VAV2: variants seen among roughly 807,000 people sequenced by gnomAD.
VAV2 encodes the protein vav guanine nucleotide exchange factor 2, also known as guanine nucleotide exchange factor VAV2.
In VAV2, 67 loss-of-function variants were observed where a neutral mutation model predicts 132.5. That is an observed-to-expected ratio of 0.51 (90% CI 0.42 to 0.62). The LOEUF is 0.62. Among genes scored for constraint, VAV2 ranks in the 20% least tolerant of loss-of-function variants. The pLI is 0.00. For missense variants in VAV2, 938 were observed against 1,153.6 expected, an observed-to-expected ratio of 0.81 and a Z score of 2.71; for synonymous variants, 492 against 443.5, an observed-to-expected ratio of 1.11 and a Z score of -1.37.
intron 1 of VAV2, among the ~76,000 whole-genome samples, chr9:133,978,153 A>C (rs1180812781): frequency 1.3e-5 from 2 of 152,194 alleles, no homozygotes; most frequent in Non-Finnish European, 1.5e-5. Flanking sequence ...AGGGCTGGGC[A>C]GGGCTGGGGA....
At chr9:133,907,176 C>CCG (rs554617207) in intron 2 of VAV2, among the ~76,000 whole-genome samples, 192 of 152,340 alleles carry the variant, frequency 1.3e-3, no homozygotes, top group Non-Finnish European at 2.2e-3. Context: ...CGGTGCCAGC[C>CCG]CACGCTGGGC....
rs771409895 is a variant in VAV2, at chr9:133,807,239, T to C, written c.735+19A>G. 6 of 1,606,414 alleles carry C rather than the reference T, an allele frequency of 3.7e-6. No individual in the cohort carries two copies. In the African/African-American group the frequency reaches 6.7e-5, roughly 18 times the overall value. On this transcript the variant is annotated intron_variant, in intron 8 of 29. Transcript: ENST00000371850. ...AGGGCCCCGAGCCTGGCATGAGCGA[T>C]GGGGGCCGGGACCCTTACCTCCAGG... is the stretch of plus-strand genomic sequence containing the variant.
At chr9:133,827,361 C>G (rs1416823580) in intron 4 of VAV2, among the ~76,000 whole-genome samples, 1 of 40,718 alleles carries the variant, frequency 2.5e-5, no homozygotes, top group Non-Finnish European at 3.8e-5. Flanking sequence ...GCATCACCAC[C>G]TACCGCTGCG....
chr9:133,769,471 T>C lies in VAV2; in HGVS notation c.2380A>G (p.Ser794Gly), dbSNP rs370841001. The change falls in exon 28 of 30, where the codon AGT becomes GGT. Residue 794 changes from serine (S) to glycine (G), a missense_variant. Physicochemically the swap from Ser to Gly is moderately conservative, Grantham distance 56. Coordinates refer to ENST00000371850, the MANE Select transcript of VAV2 (RefSeq NM_001134398.2). The surrounding 1 kb of genome is among the most constrained non-coding windows in gnomAD (Gnocchi z 8.1). ...GAAGCAAAGCTGAGGCCCTGAGGACTGAGAAAAGAAAAGTTGTAGGAAGCA... is the reference window on the plus strand; with the variant it reads ...GAAGCAAAGCTGAGGCCCTGAGGACCGAGAAAAGAAAAGTTGTAGGAAGCA... ...SCASYNFSFL[S>G]PQGLSFASQG... is the part of the protein sequence containing the mutation. 25 of 1,612,690 alleles carry C rather than the reference T, an allele frequency of 1.6e-5. No individual in the cohort carries two copies. The highest frequency in any genetic ancestry group is 2.0e-5 in the Non-Finnish European group (24 of 1,179,490).
At chr9:133,792,992 T>G (rs1326139678) in intron 12 of VAV2, among the ~76,000 whole-genome samples, 1 of 152,082 alleles carries the variant, frequency 6.6e-6, no homozygotes, top group Non-Finnish European at 1.5e-5. Flanking sequence ...AAGAGCCACC[T>G]AGACTTGGGC....
At chr9:133,973,850 T>A (rs1354801432) in intron 1 of VAV2, among the ~76,000 whole-genome samples, 1 of 152,164 alleles carries the variant, frequency 6.6e-6, no homozygotes, top group Admixed American at 6.5e-5. Flanking sequence ...GGCCTTGGGA[T>A]AAGCATCAAA....
intron 1 of VAV2, among the ~76,000 whole-genome samples, chr9:133,982,255 G>C (rs532123532): frequency 6.8e-6 from 1 of 147,058 alleles, no homozygotes; most frequent in African/African-American, 2.6e-5. Flanking sequence ...AGGGAGACTC[G>C]GCAGGGGCGA....
Position 133,884,924 on chromosome 9 carries a change from A to G in VAV2, c.322-23492T>C, listed in dbSNP as rs765334275. On this transcript the variant is annotated intron_variant, in intron 2 of 29. Coordinates refer to ENST00000371850, the MANE Select transcript of VAV2 (RefSeq NM_001134398.2). This position sits in a 1 kb window ranked among gnomAD's most constrained non-coding sequence, Gnocchi z 5.3. ...GTCCACAACTCACACCCTCAGCCCC[A>G]CTTCCAGCCTGATGAACCCACCTGA... 1.1e-4 allele frequency among the ~76,000 whole-genome samples: 16 copies of G among 152,174 alleles called. No homozygotes were observed. The highest frequency in any genetic ancestry group is 7.2e-4 in the Admixed American group (11 of 15,294).
At chr9:133,964,337 T>G (rs1247728727) in intron 1 of VAV2, among the ~76,000 whole-genome samples, 1 of 150,950 alleles carries the variant, frequency 6.6e-6, no homozygotes, top group Non-Finnish European at 1.5e-5. Flanking sequence ...CATATGTATA[T>G]ACACACACAC....
Position 133,788,024 on chromosome 9 carries a change from G to A in VAV2, c.1407+330C>T, listed in dbSNP as rs1834299708. Among the ~76,000 whole-genome samples the A allele has an allele frequency of 6.6e-6, 1 of 152,250 alleles. No homozygotes were observed. Among genetic ancestry groups the A allele is most frequent in the Non-Finnish European group, 1.5e-5 (1 of 68,038 alleles). On this transcript the variant is annotated intron_variant, in intron 15 of 29. Transcript: ENST00000371850. This position sits in a 1 kb window ranked among gnomAD's most constrained non-coding sequence, Gnocchi z 5.3. ...TCAGGCTGGCCAGATGGAAAGCCAA[G>A]GTTGAAAGTCCCACCCTCACTAGAG...
chr9:133,954,776 A>G (rs1037357875), intron 1 of VAV2, among the ~76,000 whole-genome samples: 27 of 131,216 alleles, frequency 2.1e-4, no homozygotes, highest in African/African-American at 7.9e-4. Context: ...GTGTGTGCAC[A>G]TGTATGTGTG....
At chr9:133,906,790 G>A (rs1368140447) in intron 2 of VAV2, among the ~76,000 whole-genome samples, 3 of 152,202 alleles carry the variant, frequency 2.0e-5, no homozygotes, top group African/African-American at 4.8e-5. Flanking sequence ...GGTCCCTGCG[G>A]AGCCAGGCTC....
rs1299099628 is a variant in VAV2, at chr9:133,991,978, G to C, written c.204+97C>G. 9.2e-7 allele frequency: 1 copy of C among 1,084,318 alleles called. No individual in the cohort carries two copies. Among genetic ancestry groups the C allele is most frequent in the African/African-American group, 1.7e-5 (1 of 59,004 alleles). 67.2% of individuals were successfully genotyped at this position (1,084,318 alleles called of 1,614,324 possible). On this transcript the variant is annotated intron_variant, in intron 1 of 29. Transcript: ENST00000371850. This position sits in a 1 kb window ranked among gnomAD's most constrained non-coding sequence, Gnocchi z 4.8. ...GGAGCCCGGCCGCCCCAGCCAGGGC[G>C]CCTGGGCCGCCGCCGCTGCGACCTC...
chr9:133,848,353 G>C (rs1837032115), intron 3 of VAV2, among the ~76,000 whole-genome samples: 2 of 151,464 alleles, frequency 1.3e-5, no homozygotes, highest in African/African-American at 4.8e-5. Flanking sequence ...TTTGATAAAA[G>C]GGTAAACCCC....
intron 1 of VAV2, among the ~76,000 whole-genome samples, chr9:133,983,326 G>A (rs984527519): frequency 4.6e-5 from 7 of 152,116 alleles, no homozygotes; most frequent in Admixed American, 2.0e-4. Flanking sequence ...AGAGCCCAGC[G>A]TCCTTCCAGG....
intron 4 of VAV2, among the ~76,000 whole-genome samples, chr9:133,832,455 CCTCT>C (rs1181380094): frequency 4.3e-4 from 66 of 152,362 alleles, no homozygotes; most frequent in African/African-American, 1.5e-3. Context: ...GAAGCCCTGC[CCTCT>C]CTGAGCCTCA....
At chr9:133,803,943 C>G (rs1043124774) in intron 9 of VAV2, among the ~76,000 whole-genome samples, 14 of 152,164 alleles carry the variant, frequency 9.2e-5, no homozygotes, top group Non-Finnish European at 1.8e-4. Context: ...CCCTGCAGGA[C>G]TGTGCTCAGG....
intron 4 of VAV2, among the ~76,000 whole-genome samples, 176 bp from the exon 5 acceptor site, chr9:133,812,392 C>G (rs939122157): frequency 6.6e-6 from 1 of 152,220 alleles, no homozygotes; most frequent in Non-Finnish European, 1.5e-5. Context: ...TCTGTGGGTG[C>G]GAACTGGGCA....
rs76091344 is a variant in VAV2, at chr9:133,930,198, C to T, written c.321+8905G>A. Among the ~76,000 whole-genome samples, 1,368 of 152,306 alleles carry T rather than the reference C, an allele frequency of 9.0e-3. 22 individuals carry two copies. Among genetic ancestry groups the T allele is most frequent in the African/African-American group, 0.031 (1,293 of 41,566 alleles). On this transcript the variant is annotated intron_variant, in intron 2 of 29. Transcript: ENST00000371850. ...ACTTCCTCTCCCCAGACAGCCCCAC[C>T]GGCCTCCACTCTGCCTCCTGGCCTC...
Sources: gnomAD v4.1 joint callset for allele counts (sites outside exome capture counted in the v4.1 genomes callset) on GRCh38, gnomAD v4.1.1 for gene constraint, Gnocchi (gnomAD v3.1) non-coding constraint, MANE v1.5 for transcripts, NCBI Gene and HGNC (gene_info 2026-07-23, HGNC 2026-07-21) for gene names.